The following SOX5 variants were observed in gnomAD, a reference collection of about 807,000 sequenced individuals.
The protein encoded by SOX5 is SRY-box transcription factor 5, also known as transcription factor SOX-5.
Under a neutral mutation model 92.0 loss-of-function variants are expected in SOX5, and 9 were observed. That is an observed-to-expected ratio of 0.10 (90% CI 0.06 to 0.17). SOX5 has a LOEUF of 0.17. Ranked by LOEUF, SOX5 falls within the 10% of genes least tolerant of loss-of-function variation. SOX5 has a pLI of 1.00. For missense variants in SOX5, 642 were observed against 944.5 expected, an observed-to-expected ratio of 0.68 and a Z score of 4.20; for synonymous variants, 344 against 336.3, an observed-to-expected ratio of 1.02 and a Z score of -0.25.
At chr12:24,547,347 G>A (rs942247850) in intron 1 of SOX5, among the ~76,000 whole-genome samples, 9 of 151,262 alleles carry the variant, frequency 5.9e-5, no homozygotes, top group South Asian at 2.1e-4. Context: ...GCCCGCCACC[G>A]CGCCCGGCTA....
At chr12:24,500,625 A>G (rs963885253) in intron 1 of SOX5, among the ~76,000 whole-genome samples, 1 of 152,174 alleles carries the variant, frequency 6.6e-6, no homozygotes, top group Non-Finnish European at 1.5e-5. Flanking sequence ...ATTGAGCTTC[A>G]TTTTGACCTT....
rs1320265448 is a variant in SOX5 at position 23,531,790 on chromosome 12, C to G, written c.*2429G>C. 6.6e-6 allele frequency: 1 copy of G among 151,962 alleles called. No homozygotes were observed. Among genetic ancestry groups the G allele is most frequent in the African/African-American group, 2.4e-5 (1 of 41,372 alleles). 9.4% of individuals were successfully genotyped at this position (151,962 alleles called of 1,614,324 possible). A position where few individuals can be genotyped will look rare whatever the true frequency, so the allele number is the denominator to read the frequency against. On this transcript the variant is annotated 3_prime_UTR_variant, in exon 15 of 15. Coordinates refer to ENST00000451604, the MANE Select transcript of SOX5 (RefSeq NM_006940.6). ...GTTAATTAAGATTGAACACGACCCT[C>G]CTATTAATTCACTCCTTTGTTTTAA... is the stretch of plus-strand genomic sequence containing the variant.
At chr12:24,143,015 G>T (rs1565522025) in intron 4 of SOX5, among the ~76,000 whole-genome samples, 1 of 152,086 alleles carries the variant, frequency 6.6e-6, no homozygotes, top group Non-Finnish European at 1.5e-5. Context: ...GTTTACACAG[G>T]CTAGGAATAA....
At chr12:23,835,114 TAGAG>T (rs1297465219) in intron 3 of SOX5, among the ~76,000 whole-genome samples, 2 of 151,892 alleles carry the variant, frequency 1.3e-5, no homozygotes, top group East Asian at 3.9e-4. Context: ...CACCCGGAAG[TAGAG>T]AACACAAGAC....
chr12:24,010,532 A>C (rs41383749), intron 4 of SOX5, among the ~76,000 whole-genome samples: 2,624 of 152,370 alleles, frequency 0.017, 69 homozygotes, highest in East Asian at 0.065. Context: ...CCAAAGGAAC[A>C]CAATCATAAT....
At chr12:23,535,352 G>A (rs574382289) in intron 14 of SOX5, among the ~76,000 whole-genome samples, 2 of 152,340 alleles carry the variant, frequency 1.3e-5, no homozygotes, top group South Asian at 4.1e-4. Context: ...TGGCCTCGTA[G>A]TGGTAGGAAG....
intron 3 of SOX5, among the ~76,000 whole-genome samples, chr12:23,782,580 C>T (rs2095303211): frequency 6.6e-6 from 1 of 152,142 alleles, no homozygotes; most frequent in African/African-American, 2.4e-5. Context: ...GATCAAAGAT[C>T]TGGCACAATG....
chr12:24,080,851 T>C (rs1943242070), intron 4 of SOX5, among the ~76,000 whole-genome samples: 1 of 151,942 alleles, frequency 6.6e-6, no homozygotes, highest in African/African-American at 2.4e-5. Context: ...AGCTACTGTA[T>C]GATTTTAATA....
chr12:24,480,589 A>G (rs955835166), intron 1 of SOX5, among the ~76,000 whole-genome samples: 1 of 152,208 alleles, frequency 6.6e-6, no homozygotes, highest in Non-Finnish European at 1.5e-5. Context: ...CTGATTTAAA[A>G]TGGGCAAAAG....
intron 3 of SOX5, among the ~76,000 whole-genome samples, chr12:23,770,701 C>T (rs1298600559): frequency 1.3e-5 from 2 of 152,022 alleles, no homozygotes. Context: ...GTAAGCAGCA[C>T]CTAACTGACA....
At chr12:24,141,754 A>T (rs2138669155) in intron 4 of SOX5, among the ~76,000 whole-genome samples, 1 of 152,340 alleles carries the variant, frequency 6.6e-6, no homozygotes, top group Non-Finnish European at 1.5e-5. Context: ...AGGTTCTAGT[A>T]ACAATGTAAA....
rs141977676 is a variant in SOX5 at position 24,414,870 on chromosome 12, T to C, written c.-250-46231A>G. ...GAAACTCTCCTGTCAACAGAGCTTT[T>C]ACCCTTGTCTTTTTCTCCTTTTCAG... On this transcript the variant is annotated intron_variant, in intron 1 of 4. Coordinates refer to the SOX5 transcript ENST00000446891. Among the ~76,000 whole-genome samples the C allele has an allele frequency of 1.2e-3, 182 of 152,312 alleles. 1 individual carries two copies. The highest frequency in any genetic ancestry group is 3.4e-3 in the Middle Eastern group (1 of 294).
At chr12:24,300,010 C>T (rs1947768811) in intron 2 of SOX5, among the ~76,000 whole-genome samples, 1 of 152,136 alleles carries the variant, frequency 6.6e-6, no homozygotes, top group Admixed American at 6.5e-5. Context: ...CAAGTACAAG[C>T]TTTTCCTTAG....
chr12:24,323,023 G>A (rs573663353), intron 2 of SOX5, among the ~76,000 whole-genome samples: 1 of 151,770 alleles, frequency 6.6e-6, no homozygotes, highest in Non-Finnish European at 1.5e-5. Flanking sequence ...TCAATTTTAT[G>A]AGACAGCCCT....
intron 1 of SOX5, among the ~76,000 whole-genome samples, chr12:23,901,923 TTCA>T (rs2097237859): frequency 6.6e-6 from 1 of 152,110 alleles, no homozygotes; most frequent in Non-Finnish European, 1.5e-5. Flanking sequence ...GAAAATAGAG[TTCA>T]ATAACAGTAT....
intron 10 of SOX5, among the ~76,000 whole-genome samples, chr12:23,570,923 AAAAAAAAATATAT>A (rs1317295665): frequency 4.7e-5 from 2 of 42,212 alleles, no homozygotes; most frequent in African/African-American, 1.8e-4. Flanking sequence ...AAAAAAAAAA[AAAAAAAAATATAT>A]ATATATATAT....
At chr12:24,475,442 A>C (rs1011038597) in intron 1 of SOX5, among the ~76,000 whole-genome samples, 2 of 152,194 alleles carry the variant, frequency 1.3e-5, no homozygotes, top group Non-Finnish European at 2.9e-5. Context: ...AAGCACATGC[A>C]CTAGAAACGT....
rs992277895 is a variant in SOX5 at position 23,545,139 on chromosome 12, C to A, written c.1597+1177G>T. ...TGTTTAGTCCCTTGATTAGTATAGA[C>A]CTGGTCTTAAAAGTAGAATTGGCCC... On this transcript the variant is annotated intron_variant, in intron 12 of 14. Transcript: ENST00000451604. 2.6e-5 allele frequency among the ~76,000 whole-genome samples: 4 copies of A among 152,148 alleles called. No homozygotes were observed. The South Asian group carries it at 6.2e-4, about 24-fold the overall frequency.
At chr12:23,699,480 C>A (rs2090330520) in intron 6 of SOX5, among the ~76,000 whole-genome samples, 1 of 152,074 alleles carries the variant, frequency 6.6e-6, no homozygotes, top group African/African-American at 2.4e-5. Context: ...ATTTAGTTAT[C>A]TTTCAAATAT....
Sources: allele counts gnomAD v4.1 joint callset (sites outside exome capture counted in the v4.1 genomes callset), GRCh38; gene constraint gnomAD v4.1.1; transcripts MANE v1.5; gene names NCBI Gene and HGNC (gene_info 2026-07-23, HGNC 2026-07-21).